Variants in PRPS2 observed in about 807,000 individuals in gnomAD.
PRPS2 encodes ribose-phosphate pyrophosphokinase 2.
For synonymous variants in PRPS2, 111 were observed against 115.3 expected, an observed-to-expected ratio of 0.96 and a Z score of 0.24; for missense variants, 104 against 271.5, an observed-to-expected ratio of 0.38 and a Z score of 4.34.
intron 6 of PRPS2, 46 bp downstream of exon 6, chrX:12,820,849 T>C (rs1332830600): frequency 8.6e-7 from 1 of 1,165,758 alleles, no homozygotes; most frequent in East Asian, 3.0e-5. Flanking sequence ...GGCACCTACT[T>C]TAGATCCTTA....
chrX:12,814,063 C>T (rs1042348900), intron 4 of PRPS2, among the ~76,000 whole-genome samples: 2 of 46,096 alleles, frequency 4.3e-5, no homozygotes, highest in African/African-American at 1.8e-4. Context: ...GAATCCAGCC[C>T]CCCCACCCCC....
At chrX:12,811,699 C>T (rs896118176) in intron 4 of PRPS2, among the ~76,000 whole-genome samples, 1 of 111,809 alleles carries the variant, frequency 8.9e-6, no homozygotes. Context: ...CATTTGGCAC[C>T]CTCATCTGCC....
intron 6 of PRPS2, among the ~76,000 whole-genome samples, chrX:12,821,051 G>A (rs1447031036): frequency 8.9e-6 from 1 of 112,084 alleles, no homozygotes; most frequent in African/African-American, 3.2e-5. Context: ...AGTCAGAAAC[G>A]GGTTGTGCTA....
chrX:12,823,001 T>C lies in PRPS2; in HGVS notation c.*205T>C. 1 of 415,985 alleles carries C rather than the reference T, an allele frequency of 2.4e-6. No individual in the cohort carries two copies. The allele number at this position is 415,985 out of a possible 1,213,427, so 34.3% of individuals were successfully genotyped here. A position where few individuals can be genotyped will look rare whatever the true frequency, so the allele number is the denominator to read the frequency against. ...TTTTGGGGAAATGGTGGTGGTTATTTGGTCTTTAAGTGAACTGTCTTAAAT... is the reference window on the plus strand; with the variant it reads ...TTTTGGGGAAATGGTGGTGGTTATTCGGTCTTTAAGTGAACTGTCTTAAAT... On this transcript the variant is annotated 3_prime_UTR_variant, in exon 7 of 7. Transcript: ENST00000380668.
chrX:12,804,868 C>T (rs1380210489), intron 2 of PRPS2, among the ~76,000 whole-genome samples: 1 of 111,258 alleles, frequency 9.0e-6, no homozygotes, highest in Non-Finnish European at 1.9e-5. Context: ...TTCTGTTGTG[C>T]TGTTTCCTTC....
chrX:12,805,029 G>T (rs1303058178), intron 2 of PRPS2, among the ~76,000 whole-genome samples: 1 of 111,675 alleles, frequency 9.0e-6, no homozygotes, highest in Non-Finnish European at 1.9e-5. Context: ...TGTAAACCTT[G>T]CTGCTGCTTT....
chrX:12,822,900 G>A lies in PRPS2; in HGVS notation c.*104G>A. 1 of 572,751 alleles carries A rather than the reference G, an allele frequency of 1.7e-6. No individual in the cohort carries two copies. The highest frequency in any genetic ancestry group is 2.9e-6 in the Non-Finnish European group (1 of 342,376). The allele number at this position is 572,751 out of a possible 1,213,427, so 47.2% of individuals were successfully genotyped here. A position where few individuals can be genotyped will look rare whatever the true frequency, so the allele number is the denominator to read the frequency against. ...TTCAGCAATGATAGGTTAATCACTG[G>A]CAAAAGCATCAGATCTTTGTATATG... On this transcript the variant is annotated 3_prime_UTR_variant, in exon 7 of 7. Transcript: ENST00000380668.
chrX:12,811,144 C>G (rs148179872), intron 4 of PRPS2, among the ~76,000 whole-genome samples: 2,034 of 112,424 alleles, frequency 0.018, 47 homozygotes, highest in African/African-American at 0.062. Context: ...GTTAGAAAAC[C>G]AAGAGAACAC....
Position 12,791,469 on chromosome X carries a change from G to C in PRPS2, c.-29G>C, listed in dbSNP as rs766705899. On this transcript the variant is annotated 5_prime_UTR_variant, in exon 1 of 7. Coordinates refer to ENST00000380668, the MANE Select transcript of PRPS2 (RefSeq NM_002765.5). ...TGCCTCCGCCACCTCCTCCGCCGCC[G>C]CGCGCCCCTCGGAGTTCCGCGCCCC... The C allele has an allele frequency of 1.7e-6, 2 of 1,192,367 alleles. No homozygotes were observed. The highest frequency in any genetic ancestry group is 4.4e-5 in the Admixed American group (2 of 45,131).
chrX:12,799,345 C>T lies in PRPS2; in HGVS notation c.261C>T (p.Ala87=), dbSNP rs144496781. 28 of 1,209,311 alleles carry T rather than the reference C, an allele frequency of 2.3e-5. No homozygotes were observed. The African/African-American group carries it at 2.5e-4, about 11-fold the overall frequency. Residue 87 remains alanine (A), a synonymous_variant, in exon 2 of 7, where the codon GCC becomes GCT. Transcript: ENST00000380668. The stretch of plus-strand genomic sequence containing the variant: ...TTGCGTCATCATCCAGAGTAACTGC[C>T]GTGATCCCGTGTTTCCCATACGCCC... ...CKIASSSRVT[A]VIPCFPYARQ... is the part of the protein sequence containing the mutation.
chrX:12,791,534 C>A lies in PRPS2; in HGVS notation c.37C>A (p.Gln13Lys), dbSNP rs778391570. Residue 13 changes from glutamine to lysine, a missense_variant, in exon 1 of 7, where the codon CAG (glutamine) becomes AAG (lysine). Gln to Lys is a moderately conservative substitution (Grantham distance 53). Coordinates refer to ENST00000380668, the MANE Select transcript of PRPS2 (RefSeq NM_002765.5). The part of the protein sequence containing the change: ...NIVLFSGSSH[Q>K]DLSQRVADRL... ...CGTGCTGTTCAGCGGCAGCTCGCAT[C>A]AGGACCTGTCCCAGCGCGTGGCCGA... The A allele has an allele frequency of 2.5e-6, 3 of 1,203,233 alleles. No homozygotes were observed. The highest frequency in any genetic ancestry group is 3.4e-6 in the Non-Finnish European group (3 of 891,966).
At chrX:12,816,863 T>C (rs934150602) in intron 4 of PRPS2, among the ~76,000 whole-genome samples, 1 of 111,497 alleles carries the variant, frequency 9.0e-6, no homozygotes, top group African/African-American at 3.3e-5. Flanking sequence ...TTGCTCTCCT[T>C]CTGGAAAGGC....
chrX:12,802,305 A>G (rs976719900), intron 2 of PRPS2, among the ~76,000 whole-genome samples: 5 of 111,101 alleles, frequency 4.5e-5, no homozygotes, highest in Non-Finnish European at 9.4e-5. Context: ...GGATTTCTGG[A>G]ACTCCAGTGG....
At chrX:12,797,969 C>T (rs1309968688) in intron 1 of PRPS2, among the ~76,000 whole-genome samples, 9 of 112,260 alleles carry the variant, frequency 8.0e-5, no homozygotes, top group Admixed American at 1.9e-4. Context: ...AAATGGAGTG[C>T]AGGAGAGGGG....
chrX:12,817,117 C>T (rs971297143), intron 4 of PRPS2, among the ~76,000 whole-genome samples: 20 of 109,828 alleles, frequency 1.8e-4, no homozygotes, highest in Non-Finnish European at 2.8e-4. Flanking sequence ...ATAAACCCAA[C>T]AAATCATCAG....
At chrX:12,808,075 G>A (rs1385360705) in intron 2 of PRPS2, among the ~76,000 whole-genome samples, 6 of 110,583 alleles carry the variant, frequency 5.4e-5, no homozygotes, top group African/African-American at 2.0e-4. Context: ...CACCATGTTA[G>A]CCAGGATGGT....
chrX:12,799,490 T>G, intron 2 of PRPS2, 100 bp downstream of exon 2: 1 of 943,869 alleles, frequency 1.1e-6, no homozygotes, highest in Non-Finnish European at 1.4e-6. Context: ...AAATGTTGGC[T>G]TTTTCCTTTG....
At chrX:12,800,156 C>T (rs1392696607) in intron 2 of PRPS2, among the ~76,000 whole-genome samples, 1 of 111,752 alleles carries the variant, frequency 8.9e-6, no homozygotes, top group Non-Finnish European at 1.9e-5. Context: ...AAATTTTTCC[C>T]TCACAGTTTC....
intron 4 of PRPS2, among the ~76,000 whole-genome samples, chrX:12,812,808 T>TC (rs1437267671): frequency 9.0e-6 from 1 of 111,156 alleles, no homozygotes; most frequent in East Asian, 2.8e-4. Flanking sequence ...CCCATTTACT[T>TC]CCCCCCACCT....
Sources: allele counts gnomAD v4.1 joint callset (sites outside exome capture counted in the v4.1 genomes callset), GRCh38; gene constraint gnomAD v4.1.1; transcripts MANE v1.5; gene names NCBI Gene and HGNC (gene_info 2026-07-23, HGNC 2026-07-21).